ROBO2: variants seen among roughly 807,000 people sequenced by gnomAD.
The protein encoded by ROBO2 is roundabout guidance receptor 2, also known as roundabout homolog 2.
A neutral mutation model predicts 160.8 loss-of-function variants in ROBO2; 53 were observed. The observed-to-expected ratio is 0.33, with a 90% confidence interval of 0.26 to 0.41. ROBO2 has a LOEUF of 0.41. ROBO2 is among the 10% of genes least tolerant of loss of function. The probability of loss-of-function intolerance (pLI) is 1.00; values close to 1 mark genes in which losing one functional copy is unlikely to be tolerated. For synonymous variants in ROBO2, 664 were observed against 611.7 expected (o/e 1.09, Z -1.26); for missense variants, 1,577 against 1,722.4 (o/e 0.92, Z 1.49).
Position 76,381,838 on chromosome 3 carries a change from A to G in ROBO2, c.109+444236A>G, listed in dbSNP as rs559198364. On this transcript the variant is annotated intron_variant, in intron 2 of 26. Coordinates refer to the ROBO2 transcript ENST00000487694. Reference sequence around the variant, plus strand: ...TATTGCGCCTTATGTGTCACTGCTAATAAGTGGCCAGGTTGGATTCTCAGC... The same window carrying G: ...TATTGCGCCTTATGTGTCACTGCTAGTAAGTGGCCAGGTTGGATTCTCAGC... 7.7e-4 allele frequency among the ~76,000 whole-genome samples: 118 copies of G among 152,324 alleles called. 1 individual carries two copies. The highest frequency in any genetic ancestry group is 1.1e-3 in the Non-Finnish European group (77 of 68,034).
chr3:77,186,699 C>T (rs900489147), intron 2 of ROBO2, among the ~76,000 whole-genome samples: 2 of 151,308 alleles, frequency 1.3e-5, no homozygotes, highest in Non-Finnish European at 2.9e-5. Flanking sequence ...TTTTAGACAT[C>T]AAAACTGAGA....
intron 2 of ROBO2, among the ~76,000 whole-genome samples, chr3:77,300,084 G>A (rs1462109412): frequency 6.6e-6 from 1 of 151,910 alleles, no homozygotes; most frequent in African/African-American, 2.4e-5. Flanking sequence ...GTCCATAAAT[G>A]CAAATTTTGT....
intron 2 of ROBO2, among the ~76,000 whole-genome samples, chr3:76,085,066 G>T (rs546909996): frequency 6.6e-6 from 1 of 151,474 alleles, no homozygotes; most frequent in South Asian, 2.1e-4. Context: ...TCCATGATCT[G>T]CTTCAGAGTT....
intron 2 of ROBO2, among the ~76,000 whole-genome samples, chr3:76,508,142 T>C (rs1219121509): frequency 6.6e-6 from 1 of 152,166 alleles, no homozygotes; most frequent in Non-Finnish European, 1.5e-5. Flanking sequence ...CATATATAAA[T>C]ACATGTACAC....
At chr3:77,293,527 G>A (rs2061587651) in intron 2 of ROBO2, among the ~76,000 whole-genome samples, 1 of 147,804 alleles carries the variant, frequency 6.8e-6, no homozygotes, top group African/African-American at 2.6e-5. Flanking sequence ...TGTTTAAATG[G>A]GTAAGCTGAG....
At chr3:76,374,276 TCTC>T (rs1372733938) in intron 2 of ROBO2, among the ~76,000 whole-genome samples, 4 of 151,998 alleles carry the variant, frequency 2.6e-5, no homozygotes, top group African/African-American at 9.7e-5. Context: ...AAATCTGAAA[TCTC>T]CTCTCTGTGA....
intron 2 of ROBO2, among the ~76,000 whole-genome samples, chr3:76,775,464 C>T (rs34128037): frequency 0.1 from 15,600 of 150,666 alleles, 858 homozygotes; most frequent in East Asian, 0.21. Flanking sequence ...AGTTACTGGA[C>T]GAAAGTAAAC....
At chr3:76,053,030 A>G (rs1224584262) in intron 2 of ROBO2, among the ~76,000 whole-genome samples, 2 of 152,050 alleles carry the variant, frequency 1.3e-5, no homozygotes, top group Non-Finnish European at 2.9e-5. Context: ...TTATATTCAT[A>G]GGCAGTTATA....
intron 2 of ROBO2, among the ~76,000 whole-genome samples, chr3:77,179,687 T>C (rs991349613): frequency 2.6e-5 from 4 of 152,154 alleles, no homozygotes; most frequent in African/African-American, 9.6e-5. Flanking sequence ...ATGTAACATA[T>C]AACATTTAAT....
intron 2 of ROBO2, among the ~76,000 whole-genome samples, chr3:76,003,155 C>A (rs537515055): frequency 1.2e-4 from 19 of 152,302 alleles, no homozygotes; most frequent in South Asian, 4.1e-4. Context: ...CTTACACTTT[C>A]TTTTCTGTTG....
intron 2 of ROBO2, among the ~76,000 whole-genome samples, chr3:76,742,752 T>C (rs2093822574): frequency 6.6e-6 from 1 of 151,820 alleles, no homozygotes; most frequent in African/African-American, 2.4e-5. Context: ...TTGCTTTGGT[T>C]CACAAAAAAA....
At chr3:77,085,051 T>C (rs150820909) in intron 1 of ROBO2, among the ~76,000 whole-genome samples, 132 of 152,162 alleles carry the variant, frequency 8.7e-4, no homozygotes, top group African/African-American at 3.0e-3. Context: ...ATATCATAAA[T>C]AGACACAAAT....
At position 76,428,180 on chromosome 3, in the gene ROBO2, C is replaced by T. The variant is rs1445507246; in HGVS notation, c.109+490578C>T. On this transcript the variant is annotated intron_variant, in intron 2 of 26. Coordinates refer to the ROBO2 transcript ENST00000487694. ...ATATAGAAGACCTCATAAGTTCCAT[C>T]TGCCCACATACCTGATTTCGAGTCT... Among the ~76,000 whole-genome samples the T allele has an allele frequency of 2.0e-5, 3 of 152,210 alleles. No individual in the cohort carries two copies. In the East Asian group the frequency reaches 5.8e-4, roughly 29 times the overall value.
chr3:77,132,246 T>G lies in ROBO2; in HGVS notation c.388+33906T>G, dbSNP rs561757715. 3.9e-3 allele frequency among the ~76,000 whole-genome samples: 590 copies of G among 152,208 alleles called. 1 individual carries two copies. Among genetic ancestry groups the G allele is most frequent in the African/African-American group, 0.011 (476 of 41,570 alleles). The stretch of plus-strand genomic sequence containing the variant: ...TATTGTAATACTGTATGTCAGAAGA[T>G]TTATTGTAGTTTTGATTTCTCTGAG... On this transcript the variant is annotated intron_variant, in intron 2 of 25. Coordinates refer to ENST00000461745, the Ensembl canonical transcript of ROBO2.
intron 2 of ROBO2, among the ~76,000 whole-genome samples, chr3:77,030,001 A>C (rs1043231756): frequency 6.7e-6 from 1 of 150,220 alleles, no homozygotes; most frequent in Non-Finnish European, 1.5e-5. Context: ...GCTGGAGTGC[A>C]GTGGTGCGAT....
intron 2 of ROBO2, among the ~76,000 whole-genome samples, chr3:76,340,249 A>T (rs1437514906): frequency 6.6e-6 from 1 of 152,156 alleles, no homozygotes; most frequent in Admixed American, 6.5e-5. Context: ...CTAACAAAAA[A>T]ATTCATGCTG....
chr3:76,843,970 A>AT (rs1022291642), intron 2 of ROBO2, among the ~76,000 whole-genome samples: 6 of 151,920 alleles, frequency 3.9e-5, no homozygotes, highest in Non-Finnish European at 8.8e-5. Context: ...ATAAGGTGGG[A>AT]TTTTTTAATC....
intron 2 of ROBO2, among the ~76,000 whole-genome samples, chr3:76,626,778 C>T (rs765241975): frequency 6.6e-6 from 1 of 151,986 alleles, no homozygotes; most frequent in African/African-American, 2.4e-5. Context: ...CTGCAAGTTC[C>T]GCCTCCCGGG....
chr3:77,071,584 G>T (rs771802122), intron 1 of ROBO2, among the ~76,000 whole-genome samples: 1 of 152,142 alleles, frequency 6.6e-6, no homozygotes, highest in Non-Finnish European at 1.5e-5. Context: ...TGGAAAGCAT[G>T]GCTATTAAGC....
Sources: gnomAD v4.1 joint callset for allele counts (sites outside exome capture counted in the v4.1 genomes callset) on GRCh38, gnomAD v4.1.1 for gene constraint, MANE v1.5 for transcripts, NCBI Gene and HGNC (gene_info 2026-07-23, HGNC 2026-07-21) for gene names.